Variants in KCNIP4 observed in about 807,000 individuals in gnomAD.
The protein encoded by KCNIP4 is potassium voltage-gated channel interacting protein 4.
In KCNIP4, 12 loss-of-function variants were observed where a neutral mutation model predicts 34.0. The observed-to-expected ratio is 0.35, with a 90% CI of 0.23 to 0.57. The LOEUF (loss-of-function observed/expected upper bound fraction) is 0.57, where lower values mean the gene tolerates loss of function less well. KCNIP4 is among the 20% of genes least tolerant of loss of function. The pLI is 0.83. For missense variants in KCNIP4, 238 were observed against 311.7 expected, an observed-to-expected ratio of 0.76 and a Z score of 1.78; for synonymous variants, 124 against 102.2, an observed-to-expected ratio of 1.21 and a Z score of -1.29.
At chr4:21,372,460 G>A (rs1578141321) in intron 1 of KCNIP4, among the ~76,000 whole-genome samples, 1 of 146,564 alleles carries the variant, frequency 6.8e-6, no homozygotes, top group Admixed American at 6.6e-5. Context: ...GTATGTGTGT[G>A]TATACAACAT....
At chr4:21,576,688 ATTGAT>A (rs1322023613) in intron 1 of KCNIP4, among the ~76,000 whole-genome samples, 1 of 152,122 alleles carries the variant, frequency 6.6e-6, no homozygotes, top group Non-Finnish European at 1.5e-5. Flanking sequence ...TATTCCTTTT[ATTGAT>A]TTATTACTTT....
At chr4:21,810,621 C>T (rs189229962) in intron 1 of KCNIP4, among the ~76,000 whole-genome samples, 2,106 of 145,344 alleles carry the variant, frequency 0.014, 44 homozygotes, top group African/African-American at 0.051. Context: ...ACCCGGGAGG[C>T]GGAGCCTGCA....
At chr4:20,763,296 AAC>A (rs1247544248) in intron 3 of KCNIP4, among the ~76,000 whole-genome samples, 1 of 152,316 alleles carries the variant, frequency 6.6e-6, no homozygotes, top group Non-Finnish European at 1.5e-5. Context: ...CAACCTGTAT[AAC>A]ACAGTTAAAA....
chr4:21,229,546 T>C (rs1758648421), intron 1 of KCNIP4, among the ~76,000 whole-genome samples: 1 of 152,184 alleles, frequency 6.6e-6, no homozygotes, highest in Non-Finnish European at 1.5e-5. Flanking sequence ...TTACCAACCT[T>C]ATAAGAACTT....
intron 1 of KCNIP4, among the ~76,000 whole-genome samples, chr4:21,201,713 A>T (rs1240341979): frequency 6.6e-6 from 1 of 152,110 alleles, no homozygotes; most frequent in East Asian, 1.9e-4. Flanking sequence ...TTAGCCAGGA[A>T]GGTTTCGACC....
intron 2 of KCNIP4, among the ~76,000 whole-genome samples, chr4:20,853,038 T>C (rs556136412): frequency 3.3e-5 from 5 of 152,238 alleles, no homozygotes; most frequent in African/African-American, 1.2e-4. Flanking sequence ...GAATCAATAT[T>C]GTGAAAATGA....
At chr4:21,541,873 G>GAA (rs1737728629) in intron 1 of KCNIP4, among the ~76,000 whole-genome samples, 2 of 151,880 alleles carry the variant, frequency 1.3e-5, no homozygotes, top group Non-Finnish European at 2.9e-5. Flanking sequence ...CAACTCCTGG[G>GAA]CTCAAGCAAT....
At chr4:21,234,151 ATATATAACG>A (rs1325077530) in intron 1 of KCNIP4, among the ~76,000 whole-genome samples, 6 of 91,944 alleles carry the variant, frequency 6.5e-5, no homozygotes, top group South Asian at 3.5e-4. Context: ...TATATATAAC[ATATATAACG>A]TATATTATAT....
chr4:20,897,167 G>T (rs996289433), intron 1 of KCNIP4, among the ~76,000 whole-genome samples: 2 of 152,046 alleles, frequency 1.3e-5, no homozygotes, highest in Non-Finnish European at 2.9e-5. Context: ...TTGAATAACT[G>T]ATGACTTTCC....
At chr4:20,770,619 G>GA (rs1578577203) in intron 3 of KCNIP4, among the ~76,000 whole-genome samples, 1 of 152,012 alleles carries the variant, frequency 6.6e-6, no homozygotes, top group Non-Finnish European at 1.5e-5. Context: ...GAGAATACTT[G>GA]AAAAAATAAA....
intron 2 of KCNIP4, among the ~76,000 whole-genome samples, chr4:20,866,655 C>T (rs2149503635): frequency 6.6e-6 from 1 of 152,124 alleles, no homozygotes; most frequent in East Asian, 1.9e-4. Context: ...AAGTCCTAGC[C>T]AGAACATTCA....
Position 20,938,237 on chromosome 4 carries a change from T to G in KCNIP4, c.62-55528A>C, listed in dbSNP as rs984658405. 9.3e-5 allele frequency among the ~76,000 whole-genome samples: 14 copies of G among 151,262 alleles called. No individual in the cohort carries two copies. In the East Asian group the frequency reaches 2.7e-3, roughly 30 times the overall value. The stretch of plus-strand genomic sequence containing the variant: ...TTTCAGCATCAGTTCACCACTCAAT[T>G]AAAGGTTGGTGCAGAATCAGGAGAA... On this transcript the variant is annotated intron_variant, in intron 1 of 8. Transcript: ENST00000382152.
intron 1 of KCNIP4, among the ~76,000 whole-genome samples, chr4:21,310,785 G>A (rs1197251228): frequency 6.6e-6 from 1 of 151,832 alleles, no homozygotes; most frequent in East Asian, 1.9e-4. Flanking sequence ...GCACGTGCAC[G>A]ACGTCGGCTA....
chr4:21,249,787 AATGTTTTGGCGATGAAT>A (rs1208501840), intron 1 of KCNIP4, among the ~76,000 whole-genome samples: 1 of 152,136 alleles, frequency 6.6e-6, no homozygotes, highest in Non-Finnish European at 1.5e-5. Flanking sequence ...AAAAGGTAAC[AATGTTTTGGCGATGAAT>A]ATGTGCCAGC....
rs560536823 is a variant in KCNIP4, at chr4:20,815,392, T to C, written c.288+35151A>G. Among the ~76,000 whole-genome samples, 322 of 152,294 alleles carry C rather than the reference T, an allele frequency of 2.1e-3. 1 individual carries two copies. The highest frequency in any genetic ancestry group is 7.6e-3 in the African/African-American group (314 of 41,556). On this transcript the variant is annotated intron_variant, in intron 3 of 8. Coordinates refer to ENST00000382152, the MANE Select transcript of KCNIP4 (RefSeq NM_025221.6). ...ACTGAGGGAAGGAATTGTCTCAGCC[T>C]TCAAGCCTATCGTGTCCCATGTTAT... is the stretch of plus-strand genomic sequence containing the variant.
At chr4:21,136,070 A>C (rs974491873) in intron 1 of KCNIP4, among the ~76,000 whole-genome samples, 1 of 152,214 alleles carries the variant, frequency 6.6e-6, no homozygotes, top group Non-Finnish European at 1.5e-5. Context: ...TATCTGGAGA[A>C]AGTTGTCTTT....
intron 1 of KCNIP4, among the ~76,000 whole-genome samples, chr4:21,506,375 T>TC (rs1733848076): frequency 6.6e-6 from 1 of 152,200 alleles, no homozygotes; most frequent in African/African-American, 2.4e-5. Context: ...AGAATAACAG[T>TC]ACTTGTCTCA....
chr4:21,130,082 C>A (rs1750946802), intron 1 of KCNIP4, among the ~76,000 whole-genome samples: 1 of 152,006 alleles, frequency 6.6e-6, no homozygotes, highest in Non-Finnish European at 1.5e-5. Context: ...CCTTGGCCTT[C>A]CATTCCCTGA....
At chr4:20,734,114 T>A (rs1749024508) in intron 6 of KCNIP4, among the ~76,000 whole-genome samples, 1 of 152,162 alleles carries the variant, frequency 6.6e-6, no homozygotes, top group African/African-American at 2.4e-5. Flanking sequence ...TCTTTACTTC[T>A]CGCTGTGTTT....
Sources: allele counts gnomAD v4.1 joint callset (sites outside exome capture counted in the v4.1 genomes callset), GRCh38; gene constraint gnomAD v4.1.1; transcripts MANE v1.5; gene names NCBI Gene and HGNC (gene_info 2026-07-23, HGNC 2026-07-21).